The following BBOX1 variants were observed in gnomAD, a reference collection of about 807,000 sequenced individuals.
The protein encoded by BBOX1 is gamma-butyrobetaine hydroxylase 1, also known as gamma-butyrobetaine dioxygenase.
In BBOX1, 35 loss-of-function variants were observed where a neutral mutation model predicts 41.6. That is an observed-to-expected ratio of 0.84 (90% CI 0.64 to 1.11). The LOEUF (loss-of-function observed/expected upper bound fraction) is 1.11, where lower values mean the gene tolerates loss of function less well. Among genes scored for constraint, BBOX1 ranks in the 50% most tolerant of loss-of-function variants. The pLI, the probability that BBOX1 is intolerant of heterozygous loss-of-function variation, is 0.00. For missense variants in BBOX1, 458 were observed against 460.6 expected, an observed-to-expected ratio of 0.99 and a Z score of 0.05; for synonymous variants, 163 against 154.7, an observed-to-expected ratio of 1.05 and a Z score of -0.40.
At chr11:27,114,757 C>A (rs76417737) in intron 5 of BBOX1, among the ~76,000 whole-genome samples, 4,951 of 151,768 alleles carry the variant, frequency 0.033, 126 homozygotes, top group South Asian at 0.11. Flanking sequence ...TCAAAATGAA[C>A]AAATTATCTA....
chr11:27,082,457 T>C (rs542250714), intron 4 of BBOX1, among the ~76,000 whole-genome samples: 3 of 152,210 alleles, frequency 2.0e-5, no homozygotes, highest in Admixed American at 1.3e-4. Context: ...TTATCTATCT[T>C]TCCTGCCAAC....
chr11:27,056,121 G>T (rs149070052), intron 3 of BBOX1, among the ~76,000 whole-genome samples: 32 of 152,236 alleles, frequency 2.1e-4, no homozygotes, highest in African/African-American at 7.2e-4. Context: ...TGAAAAAAAT[G>T]AGAATAATAG....
rs1373047398 is a variant in BBOX1 at position 27,055,447 on chromosome 11, A to G, written c.17A>G (p.Gln6Arg). 2 of 1,613,602 alleles carry G rather than the reference A, an allele frequency of 1.2e-6. No homozygotes were observed. Among genetic ancestry groups the G allele is most frequent in the Non-Finnish European group, 1.7e-6 (2 of 1,180,020 alleles). ...ACCGGAAACATGGCTTGTACCATCC[A>G]AAAGGCAGAAGCACTTGACGGGGCT... MACTI[Q>R]KAEALDGAHL... is the part of the protein sequence containing the mutation. The change falls in exon 3 of 9, where the codon CAA becomes CGA. Residue 6 changes from glutamine to arginine, a missense_variant. By Grantham distance (43) the Gln-to-Arg change is conservative (BLOSUM62 1). Transcript: ENST00000263182.
At chr11:27,052,042 C>T (rs1410997441) in intron 2 of BBOX1, among the ~76,000 whole-genome samples, 1 of 151,638 alleles carries the variant, frequency 6.6e-6, no homozygotes, top group African/African-American at 2.4e-5. Flanking sequence ...TTTTCCTTGA[C>T]CCATTAGTTG....
At chr11:27,050,049 G>A (rs922111387) in intron 2 of BBOX1, among the ~76,000 whole-genome samples, 7 of 152,004 alleles carry the variant, frequency 4.6e-5, no homozygotes, top group African/African-American at 1.7e-4. Flanking sequence ...TGAGATGAGG[G>A]TCCAATTTTA....
At chr11:27,061,326 G>C (rs542133433) in intron 4 of BBOX1, among the ~76,000 whole-genome samples, 1 of 152,224 alleles carries the variant, frequency 6.6e-6, no homozygotes, top group African/African-American at 2.4e-5. Context: ...ACAATGACAG[G>C]CTGCAATCAT....
intron 3 of BBOX1, among the ~76,000 whole-genome samples, chr11:27,056,867 ACTGT>A (rs990501382): frequency 6.6e-6 from 1 of 151,498 alleles, no homozygotes; most frequent in African/African-American, 2.4e-5. Flanking sequence ...GGAGATGGAG[ACTGT>A]CTTAGCCAAC....
At chr11:27,066,062 G>A (rs1857270514) in intron 4 of BBOX1, among the ~76,000 whole-genome samples, 1 of 152,096 alleles carries the variant, frequency 6.6e-6, no homozygotes, top group Admixed American at 6.6e-5. Flanking sequence ...ATATTCTAAT[G>A]TTTTTGCTCT....
chr11:27,121,842 G>C (rs1859476785), intron 7 of BBOX1, among the ~76,000 whole-genome samples: 2 of 152,110 alleles, frequency 1.3e-5, no homozygotes, highest in South Asian at 4.1e-4. Flanking sequence ...GATTCTGCAA[G>C]GCTAGTGAAC....
rs532718500 is a variant in BBOX1, at chr11:27,124,289, G to A, written c.837-1365G>A. On this transcript the variant is annotated intron_variant, in intron 7 of 8. Coordinates refer to ENST00000263182, the MANE Select transcript of BBOX1 (RefSeq NM_003986.3). ...ATGCTGCTCCCAGGAGTAATCCTAG[G>A]TACTTTGCCACCATCCTTGGTCACC... Among the ~76,000 whole-genome samples, 8 of 152,208 alleles carry A rather than the reference G, an allele frequency of 5.3e-5. 1 individual carries two copies. Among genetic ancestry groups the A allele is most frequent in the Admixed American group, 4.6e-4 (7 of 15,282 alleles).
intron 4 of BBOX1, among the ~76,000 whole-genome samples, chr11:27,071,632 G>C (rs1034803228): frequency 6.6e-6 from 1 of 152,036 alleles, no homozygotes; most frequent in Non-Finnish European, 1.5e-5. Flanking sequence ...GAGAATTTTA[G>C]ACCAATATCC....
chr11:27,057,079 A>AAAAAAAAAAAAAAAAAAAAAAAAAAAG (rs1857007136), intron 3 of BBOX1, 122 bp from the exon 4 acceptor site: 1 of 349,076 alleles, frequency 2.9e-6, no homozygotes, highest in African/African-American at 2.2e-5. Context: ...AAAAAAAAAA[A>AAAAAAAAAAAAAAAAAAAAAAAAAAAG]AAAAAATTAA....
chr11:27,125,610 A>ATAT, intron 7 of BBOX1, 44 bp from the exon 8 acceptor site: 1 of 1,383,954 alleles, frequency 7.2e-7, no homozygotes, highest in Non-Finnish European at 9.6e-7. Context: ...ATGTAAATAG[A>ATAT]TATTTCATGA....
intron 4 of BBOX1, among the ~76,000 whole-genome samples, chr11:27,065,544 T>C (rs913729260): frequency 2.6e-5 from 4 of 152,284 alleles, no homozygotes; most frequent in Admixed American, 2.6e-4. Context: ...TGCAGTGCCC[T>C]GTGCTTTTCT....
intron 4 of BBOX1, among the ~76,000 whole-genome samples, chr11:27,075,030 T>A (rs1301283280): frequency 6.6e-6 from 1 of 152,230 alleles, no homozygotes; most frequent in Non-Finnish European, 1.5e-5. Flanking sequence ...CTTGGGGATG[T>A]TATAGAACCC....
chr11:27,077,772 G>T (rs1243254753), intron 4 of BBOX1, among the ~76,000 whole-genome samples: 2 of 152,054 alleles, frequency 1.3e-5, no homozygotes, highest in Non-Finnish European at 2.9e-5. Flanking sequence ...GTACAGAGAT[G>T]ACTTATATTT....
chr11:27,087,957 G>T (rs1220452772), intron 4 of BBOX1, among the ~76,000 whole-genome samples: 1 of 151,968 alleles, frequency 6.6e-6, no homozygotes, highest in South Asian at 2.1e-4. Context: ...CTATTGTATT[G>T]ACAGCTGTGC....
chr11:27,055,583 G>C lies in BBOX1; in HGVS notation c.153G>C (p.Arg51=), dbSNP rs1262130851. The C allele has an allele frequency of 8.7e-6, 14 of 1,614,124 alleles. No individual in the cohort carries two copies. Among genetic ancestry groups the C allele is most frequent in the Non-Finnish European group, 1.2e-5 (14 of 1,180,006 alleles). Residue 51 remains arginine (R), a synonymous_variant, in exon 3 of 9, where the codon CGG becomes CGC. Transcript: ENST00000263182. ...SDCYLDSAKA[R]KLLVEALDVN... The stretch of plus-strand genomic sequence containing the variant: ...GCTACCTGGATTCTGCAAAAGCACG[G>C]AAACTTCTAGTGGAAGCTCTTGATG...
intron 2 of BBOX1, among the ~76,000 whole-genome samples, chr11:27,043,742 C>G (rs1590158261): frequency 1.3e-5 from 2 of 152,034 alleles, no homozygotes; most frequent in African/African-American, 4.8e-5. Context: ...TGGCTTCCAG[C>G]TTCCTCCATG....
Sources: allele counts gnomAD v4.1 joint callset (sites outside exome capture counted in the v4.1 genomes callset), GRCh38; gene constraint gnomAD v4.1.1; transcripts MANE v1.5; gene names NCBI Gene and HGNC (gene_info 2026-07-23, HGNC 2026-07-21).